KIAA0319: variants seen among roughly 807,000 people sequenced by gnomAD.
KIAA0319 encodes dyslexia-associated protein KIAA0319.
In KIAA0319, 83 loss-of-function variants were observed where a neutral mutation model predicts 108.4. The observed-to-expected ratio is 0.77, with a 90% confidence interval of 0.64 to 0.92. The LOEUF is 0.92. KIAA0319 is among the 40% of genes least tolerant of loss of function. The probability of loss-of-function intolerance (pLI) is 0.00; values close to 1 mark genes in which losing one functional copy is unlikely to be tolerated. For synonymous variants in KIAA0319, 484 were observed against 510.4 expected (o/e 0.95, Z 0.70); for missense variants, 1,195 against 1,322.4 (o/e 0.90, Z 1.49).
chr6:24,589,939 C>T (rs951056245), intron 3 of KIAA0319, among the ~76,000 whole-genome samples: 2 of 152,050 alleles, frequency 1.3e-5, no homozygotes, highest in East Asian at 3.9e-4. Flanking sequence ...AGGGAAAAGT[C>T]TCATAATATG....
intron 2 of KIAA0319, among the ~76,000 whole-genome samples, chr6:24,596,909 T>A (rs1769713209): frequency 6.6e-6 from 1 of 151,916 alleles, no homozygotes; most frequent in Non-Finnish European, 1.5e-5. Flanking sequence ...CTATCCATCC[T>A]TTCACCCACA....
At position 24,582,116 on chromosome 6, in the gene KIAA0319, A is replaced by G. The variant is rs1419951285; in HGVS notation, c.1191+133T>C. 3 of 576,264 alleles carry G rather than the reference A, an allele frequency of 5.2e-6. No homozygotes were observed. The Admixed American group carries it at 7.2e-5, about 14-fold the overall frequency. The allele number at this position is 576,264 out of a possible 1,614,324, so 35.7% of individuals were successfully genotyped here. A position where few individuals can be genotyped will look rare whatever the true frequency, so the allele number is the denominator to read the frequency against. Reference sequence around the variant, plus strand: ...AGCTGTAATTGCGCTACTGCACTCCAGCCTGGGCAACAGAGCAAGACTCTG... The same window carrying G: ...AGCTGTAATTGCGCTACTGCACTCCGGCCTGGGCAACAGAGCAAGACTCTG... On this transcript the variant is annotated intron_variant, in intron 6 of 20. Transcript: ENST00000378214.
chr6:24,559,264 C>G, intron 16 of KIAA0319, 109 bp from the exon 17 acceptor site: 2 of 1,250,166 alleles, frequency 1.6e-6, no homozygotes, highest in Non-Finnish European at 2.2e-6. Flanking sequence ...ACGGCTACAG[C>G]TCTGTGGCTT....
intron 1 of KIAA0319, among the ~76,000 whole-genome samples, chr6:24,607,842 A>T (rs1771649986): frequency 6.6e-6 from 1 of 152,194 alleles, no homozygotes; most frequent in South Asian, 2.1e-4. Context: ...AGTTAAAAAC[A>T]TTTTTTAAAA....
intron 1 of KIAA0319, among the ~76,000 whole-genome samples, chr6:24,603,455 CTG>C (rs1429004853): frequency 6.6e-6 from 1 of 152,198 alleles, no homozygotes; most frequent in African/African-American, 2.4e-5. Context: ...CAGAATCCCA[CTG>C]TGAGTTGCAA....
chr6:24,564,455 AG>A, intron 14 of KIAA0319, 115 bp from the exon 15 acceptor site: 1 of 1,337,432 alleles, frequency 7.5e-7, no homozygotes, highest in East Asian at 2.3e-5. Context: ...TGACTTTAAG[AG>A]GGAGGCTGCA....
chr6:24,636,354 G>T (rs1776201542), intron 1 of KIAA0319, among the ~76,000 whole-genome samples: 1 of 152,208 alleles, frequency 6.6e-6, no homozygotes, highest in South Asian at 2.1e-4. Context: ...TATACAAGGG[G>T]TCTTCACAAA....
intron 1 of KIAA0319, among the ~76,000 whole-genome samples, chr6:24,623,669 T>C (rs763362801): frequency 2.6e-5 from 4 of 152,168 alleles, no homozygotes; most frequent in Non-Finnish European, 4.4e-5. Flanking sequence ...GATTGGTGAA[T>C]GGGTACAAAA....
intron 16 of KIAA0319, among the ~76,000 whole-genome samples, chr6:24,561,993 GCACCTGGC>G (rs1763171207): frequency 6.6e-6 from 1 of 152,128 alleles, no homozygotes. Flanking sequence ...GTCAGCCACC[GCACCTGGC>G]CACCTGGCAA....
intron 1 of KIAA0319, among the ~76,000 whole-genome samples, chr6:24,622,180 C>G (rs943806391): frequency 3.3e-5 from 5 of 152,140 alleles, no homozygotes; most frequent in Non-Finnish European, 2.9e-5. Flanking sequence ...CCCACTCATG[C>G]ACTCAGATGC....
At chr6:24,589,501 C>A (rs559870859) in intron 3 of KIAA0319, among the ~76,000 whole-genome samples, 1 of 152,106 alleles carries the variant, frequency 6.6e-6, no homozygotes, top group Non-Finnish European at 1.5e-5. Flanking sequence ...ATGGAGGTAA[C>A]TGGATCATGG....
chr6:24,610,732 G>C (rs780594610), intron 1 of KIAA0319, among the ~76,000 whole-genome samples: 1 of 151,912 alleles, frequency 6.6e-6, no homozygotes, highest in Non-Finnish European at 1.5e-5. Flanking sequence ...ACAAGCCTGG[G>C]CAACATAGGC....
intron 1 of KIAA0319, among the ~76,000 whole-genome samples, chr6:24,614,530 C>T (rs1475496035): frequency 6.6e-6 from 1 of 151,942 alleles, no homozygotes; most frequent in African/African-American, 2.4e-5. Flanking sequence ...TGGCATTTTA[C>T]GTCCATTAGT....
intron 19 of KIAA0319, 106 bp downstream of exon 19, chr6:24,554,435 T>C: frequency 1.3e-6 from 1 of 796,852 alleles, no homozygotes; most frequent in Non-Finnish European, 2.1e-6. Context: ...TGCATTATTA[T>C]AATAAACAGC....
chr6:24,595,767 A>T, intron 3 of KIAA0319, 106 bp downstream of exon 3: 1 of 1,275,966 alleles, frequency 7.8e-7, no homozygotes, highest in Non-Finnish European at 1.1e-6. Flanking sequence ...GAACCTCCTT[A>T]AGCTCATACA....
rs967060171 is a variant in KIAA0319, at chr6:24,570,027, T to A, written c.1867A>T (p.Arg623Ter). Residue 623 changes from arginine to a stop codon, truncating the protein, a stop_gained, in exon 12 of 21, where the codon AGA becomes TGA. Transcript: ENST00000378214. LOFTEE classifies it high-confidence loss of function. The stretch of plus-strand genomic sequence containing the variant: ...GGGCCGGCCACAGCCACTGGAGGTC[T>A]ATTGTTTTCTGGAATTACAGAAACA... ...VTVIVQPENN[R>*]PPVAVAGPDK... 1 of 1,613,864 alleles carries A rather than the reference T, an allele frequency of 6.2e-7. No homozygotes were observed. The highest frequency in any genetic ancestry group is 8.5e-7 in the Non-Finnish European group (1 of 1,179,888).
At chr6:24,638,587 T>C (rs1776507205) in intron 1 of KIAA0319, among the ~76,000 whole-genome samples, 1 of 151,986 alleles carries the variant, frequency 6.6e-6, no homozygotes, top group Non-Finnish European at 1.5e-5. Flanking sequence ...GGTGAAAACC[T>C]GTCTCTACTA....
At position 24,588,604 on chromosome 6, in the gene KIAA0319, G is replaced by A; in HGVS notation, c.983C>T (p.Ala328Val). ...PSELPISPTT[A>V]PRTVKELTVS... ...TTTTTAAAAGTTACCTGTCCTGGGA[G>A]CAGTGGTAGGAGATATGGGTAGCTC... The change falls in exon 4 of 21, where the codon GCT becomes GTT. Residue 328 changes from alanine to valine, a missense_variant. Coordinates refer to ENST00000378214, the MANE Select transcript of KIAA0319 (RefSeq NM_014809.4). 6.2e-7 allele frequency: 1 copy of A among 1,612,880 alleles called. No individual in the cohort carries two copies. The highest frequency in any genetic ancestry group is 8.5e-7 in the Non-Finnish European group (1 of 1,179,000).
chr6:24,604,052 G>A (rs548684018), intron 1 of KIAA0319, among the ~76,000 whole-genome samples: 48 of 152,268 alleles, frequency 3.2e-4, no homozygotes, highest in Admixed American at 1.8e-3. Context: ...CAGGAGGTGG[G>A]TGTAACACCT....
Sources: gnomAD v4.1 joint callset for allele counts (sites outside exome capture counted in the v4.1 genomes callset) on GRCh38, gnomAD v4.1.1 for gene constraint, MANE v1.5 for transcripts, NCBI Gene and HGNC (gene_info 2026-07-23, HGNC 2026-07-21) for gene names.